The following ABHD2 variants were observed in gnomAD, a reference collection of about 807,000 sequenced individuals.
The protein encoded by ABHD2 is abhydrolase domain containing 2, acylglycerol lipase.
Under a neutral mutation model 48.1 loss-of-function variants are expected in ABHD2, and 20 were observed. The observed-to-expected ratio is 0.42, with a 90% confidence interval of 0.29 to 0.60. ABHD2 has a LOEUF of 0.60. Ranked by LOEUF, ABHD2 falls within the 20% of genes least tolerant of loss-of-function variation. ABHD2 has a pLI of 0.24. For synonymous variants in ABHD2, 209 were observed against 214.2 expected, an observed-to-expected ratio of 0.98 and a Z score of 0.21; for missense variants, 405 against 550.9, an observed-to-expected ratio of 0.74 and a Z score of 2.65.
At chr15:89,079,198 T>C in the ABHD2 span, among the ~76,000 whole-genome samples, 7 of 152,236 alleles carry the variant, frequency 4.6e-5, no homozygotes, top group Admixed American at 1.3e-4. The surrounding 1 kb of genome is among the most constrained non-coding windows in gnomAD (Gnocchi z 4.3). Context: ...ACTAACATAA[T>C]TGACTGTTCC....
intron 1 of ABHD2, among the ~76,000 whole-genome samples, chr15:89,113,253 T>G (rs1415509348): frequency 6.6e-6 from 1 of 152,248 alleles, no homozygotes; most frequent in Non-Finnish European, 1.5e-5. Flanking sequence ...TACTTTGTTT[T>G]TGAGCCCATC....
intron 10 of ABHD2, among the ~76,000 whole-genome samples, chr15:89,194,799 CA>C (rs1264750684): frequency 6.6e-5 from 10 of 152,258 alleles, no homozygotes; most frequent in Middle Eastern, 3.4e-3. Flanking sequence ...AGTTAGGAAA[CA>C]CATTGAATCA....
chr15:89,193,282 G>T lies in ABHD2; in HGVS notation c.1044G>T (p.Val348=), dbSNP rs969052354. The T allele has an allele frequency of 1.2e-6, 2 of 1,614,200 alleles. No individual in the cohort carries two copies. Among genetic ancestry groups the T allele is most frequent in the South Asian group, 2.2e-5 (2 of 91,082 alleles). The part of the protein sequence containing the change: ...MLVNAADDPL[V]HESLLTIPKS... ...TTAATGCAGCTGACGATCCGTTGGT[G>T]CATGAAAGTCTTCTAACCATTCCAA... Residue 348 remains valine (V), a synonymous_variant, in exon 10 of 11, where the codon GTG becomes GTT. Transcript: ENST00000352732.
In ABHD2 at chr15:89,114,801, A is replaced by G. The variant is rs73467750; in HGVS notation, c.-7+977A>G. On this transcript the variant is annotated intron_variant, in intron 2 of 10. Transcript: ENST00000352732. The surrounding 1 kb of genome is among the most constrained non-coding windows in gnomAD (Gnocchi z 4.2). Reference sequence around the variant, plus strand: ...CCCAGCCCAGAAGTTAAGTTTTAGGAAAACTGTCTCCTCACAGAAGTTCAG... The same window carrying G: ...CCCAGCCCAGAAGTTAAGTTTTAGGGAAACTGTCTCCTCACAGAAGTTCAG... Among the ~76,000 whole-genome samples the G allele has an allele frequency of 0.042, 6,395 of 152,278 alleles. 224 individuals carry two copies. Among genetic ancestry groups the G allele is most frequent in the African/African-American group, 0.097 (4,051 of 41,568 alleles).
At chr15:89,059,130 C>G in the ABHD2 span, among the ~76,000 whole-genome samples, 1 of 152,184 alleles carries the variant, frequency 6.6e-6, no homozygotes, top group African/African-American at 2.4e-5. Context: ...TCTCTCCTCT[C>G]CAGCATCTCC....
At chr15:89,169,130 G>T (rs1246871641) in intron 5 of ABHD2, among the ~76,000 whole-genome samples, 2 of 152,034 alleles carry the variant, frequency 1.3e-5, no homozygotes, top group African/African-American at 2.4e-5. Context: ...GAATCAAATG[G>T]TTGGGGGGAG....
rs1298477130 is a variant in ABHD2 at position 89,197,858 on chromosome 15, CACTCACATTCCATTTTG to C, written c.*2436_*2452del. ...CTTTTTAGTGTGTGGCTCTGAATGGCACTCACATTCCATTTTGGCTCACATGAAACTAACTGAAGCCC... is the reference window on the plus strand; with the variant it reads ...CTTTTTAGTGTGTGGCTCTGAATGGCGCTCACATGAAACTAACTGAAGCCC... On this transcript the variant is annotated 3_prime_UTR_variant, in exon 11 of 11. Transcript: ENST00000352732. The surrounding 1 kb of genome is among the most constrained non-coding windows in gnomAD (Gnocchi z 4.4). The C allele has an allele frequency of 6.6e-6, 1 of 152,188 alleles. No individual in the cohort carries two copies. Among genetic ancestry groups the C allele is most frequent in the Non-Finnish European group, 1.5e-5 (1 of 68,038 alleles). 9.4% of individuals were successfully genotyped at this position (152,188 alleles called of 1,614,324 possible). A position where few individuals can be genotyped will look rare whatever the true frequency, so the allele number is the denominator to read the frequency against.
chr15:89,113,747 AGATCTGACCTGACCGGCC>A lies in ABHD2; in HGVS notation c.-83_-66del, dbSNP rs2049912396. On this transcript the variant is annotated 5_prime_UTR_variant, in exon 2 of 11. Transcript: ENST00000352732. ...TAGCTTTTAGGTTTGTTTGAATAAG[AGATCTGACCTGACCGGCC>A]CAACTGTACAACTCTTCAAGGAAAA... 1 of 152,238 alleles carries A rather than the reference AGATCTGACCTGACCGGCC, an allele frequency of 6.6e-6. No homozygotes were observed. The highest frequency in any genetic ancestry group is 1.5e-5 in the Non-Finnish European group (1 of 68,038). The allele number at this position is 152,238 out of a possible 1,614,324, so 9.4% of individuals were successfully genotyped here. A position where few individuals can be genotyped will look rare whatever the true frequency, so the allele number is the denominator to read the frequency against.
intron 5 of ABHD2, among the ~76,000 whole-genome samples, chr15:89,169,474 C>G (rs184739480): frequency 6.6e-6 from 1 of 152,312 alleles, no homozygotes; most frequent in African/African-American, 2.4e-5. Flanking sequence ...TGAACAAGAG[C>G]AAGAATATCT....
intron 1 of ABHD2, among the ~76,000 whole-genome samples, chr15:89,110,993 A>T (rs2049866515): frequency 6.6e-6 from 1 of 152,208 alleles, no homozygotes; most frequent in Admixed American, 6.5e-5. Context: ...GCGTAAGAGC[A>T]CAATATATGT....
chr15:89,174,222 G>A lies in ABHD2; in HGVS notation c.539-1590G>A, dbSNP rs545591235. On this transcript the variant is annotated intron_variant, in intron 5 of 10. Transcript: ENST00000352732. The surrounding 1 kb of genome is among the most constrained non-coding windows in gnomAD (Gnocchi z 4.1). ...CAGACATATTGTAAAGGGAAAAAAA[G>A]AGCCACCGAACAATGTGTATGTTAC... Among the ~76,000 whole-genome samples the A allele has an allele frequency of 6.6e-6, 1 of 152,262 alleles. No individual in the cohort carries two copies. The highest frequency in any genetic ancestry group is 2.1e-4 in the South Asian group (1 of 4,826).
chr15:89,065,664 T>A, the ABHD2 span, among the ~76,000 whole-genome samples: 1 of 152,176 alleles, frequency 6.6e-6, no homozygotes, highest in Non-Finnish European at 1.5e-5. Context: ...TTTCCACAAT[T>A]TTCCAGAGAA....
rs895682135 is a variant in ABHD2, at chr15:89,164,777, T to TAA, written c.538+9255_538+9256dup. On this transcript the variant is annotated intron_variant, in intron 5 of 10. Coordinates refer to ENST00000352732, the MANE Select transcript of ABHD2 (RefSeq NM_152924.5). This position sits in a 1 kb window ranked among gnomAD's most constrained non-coding sequence, Gnocchi z 5.0. ...AGACGACAGAGACTGACCCTGTCTT[T>TAA]AAAAAAAAAAAAATGGCAATAATAT... is the stretch of plus-strand genomic sequence containing the variant. Among the ~76,000 whole-genome samples, 35 of 144,246 alleles carry TAA rather than the reference T, an allele frequency of 2.4e-4. No homozygotes were observed. Among genetic ancestry groups the TAA allele is most frequent in the Admixed American group, 3.5e-4 (5 of 14,450 alleles). The allele number at this position is 144,246 out of a possible 152,430, so 94.6% of individuals were successfully genotyped here.
intron 3 of ABHD2, among the ~76,000 whole-genome samples, chr15:89,125,896 G>A (rs2150833545): frequency 6.6e-6 from 1 of 152,192 alleles, no homozygotes; most frequent in African/African-American, 2.4e-5. Flanking sequence ...CTTCTTCTTA[G>A]AGACTTTATG....
intron 9 of ABHD2, among the ~76,000 whole-genome samples, chr15:89,192,830 C>T (rs185453773): frequency 3.9e-5 from 6 of 152,124 alleles, no homozygotes; most frequent in African/African-American, 7.2e-5. Flanking sequence ...ATTACAGGCA[C>T]GAACCACTGT....
At chr15:89,180,786 C>A (rs2051097697) in intron 6 of ABHD2, among the ~76,000 whole-genome samples, 2 of 152,206 alleles carry the variant, frequency 1.3e-5, no homozygotes, top group African/African-American at 4.8e-5. Flanking sequence ...GGATTACTCT[C>A]TTACAGTGCC....
chr15:89,119,346 C>T (rs73467757), intron 3 of ABHD2, among the ~76,000 whole-genome samples: 7,926 of 152,200 alleles, frequency 0.052, 374 homozygotes, highest in African/African-American at 0.13. Context: ...TTATTGCCCC[C>T]CCATCCTTCA....
At chr15:89,110,110 C>T (rs894492205) in intron 1 of ABHD2, among the ~76,000 whole-genome samples, 3 of 151,624 alleles carry the variant, frequency 2.0e-5, no homozygotes, top group Non-Finnish European at 2.9e-5. Context: ...TTAAGACGGA[C>T]TCTCACTCTG....
In ABHD2 at chr15:89,185,441, T is replaced by G; in HGVS notation, c.740T>G (p.Met247Arg). 1 of 1,614,098 alleles carries G rather than the reference T, an allele frequency of 6.2e-7. No homozygotes were observed. The highest frequency in any genetic ancestry group is 8.5e-7 in the Non-Finnish European group (1 of 1,179,986). ...TCTTCCAGGGCCCAGGAAACCTTCA[T>G]GCAATGGGATCAGTGCCGGCGGTTC... ...YSALRAQETF[M>R]QWDQCRRFYN... Residue 247 changes from methionine to arginine, a missense_variant, in exon 7 of 11, where the codon ATG becomes AGG. Physicochemically the swap from Met to Arg is moderately conservative, Grantham distance 91 (BLOSUM62 -1). Transcript: ENST00000352732. The surrounding 1 kb of genome is among the most constrained non-coding windows in gnomAD (Gnocchi z 5.9).
Sources: gnomAD v4.1 joint callset for allele counts (sites outside exome capture counted in the v4.1 genomes callset) on GRCh38, gnomAD v4.1.1 for gene constraint, Gnocchi (gnomAD v3.1) non-coding constraint, MANE v1.5 for transcripts, NCBI Gene and HGNC (gene_info 2026-07-23, HGNC 2026-07-21) for gene names.